FHOD3: variants seen among roughly 807,000 people sequenced by gnomAD.
FHOD3 encodes FH1/FH2 domain-containing protein 3.
Under a neutral mutation model 173.0 loss-of-function variants are expected in FHOD3, and 90 were observed. The observed-to-expected ratio is 0.52, with a 90% CI of 0.44 to 0.62. FHOD3 has a LOEUF of 0.62. FHOD3 is among the 20% of genes least tolerant of loss of function. The probability of loss-of-function intolerance (pLI) is 0.00; values close to 1 mark genes in which losing one functional copy is unlikely to be tolerated. For missense variants in FHOD3, 1,945 were observed against 2,034.7 expected, an observed-to-expected ratio of 0.96 and a Z score of 0.85; for synonymous variants, 828 against 823.0, an observed-to-expected ratio of 1.01 and a Z score of -0.10.
chr18:36,487,040 A>G (rs1392200790), intron 3 of FHOD3, among the ~76,000 whole-genome samples: 1 of 152,216 alleles, frequency 6.6e-6, no homozygotes, highest in South Asian at 2.1e-4. Flanking sequence ...CTGTTTGCCA[A>G]CTGATGGACA....
chr18:36,625,720 G>A lies in FHOD3; in HGVS notation c.1167G>A (p.Lys389=). Residue 389 remains lysine, a synonymous_variant, in exon 10 of 29, where the codon AAG becomes AAA. Transcript: ENST00000590592. ...GCTCCCAGTCAGCTCCCAGCTTCAA[G>A]CCCAACCAAGTGCGAGATCTGCGTG... ...SPCSQSAPSF[K]PNQVRDLREK... The A allele has an allele frequency of 6.2e-7, 1 of 1,609,946 alleles. No homozygotes were observed. The highest frequency in any genetic ancestry group is 8.5e-7 in the Non-Finnish European group (1 of 1,177,546).
intron 20 of FHOD3, among the ~76,000 whole-genome samples, chr18:36,737,527 A>C (rs1218633581): frequency 1.3e-5 from 2 of 152,216 alleles, no homozygotes; most frequent in African/African-American, 2.4e-5. Flanking sequence ...GCCACCACCT[A>C]TCTCTCCAGA....
intron 3 of FHOD3, among the ~76,000 whole-genome samples, chr18:36,469,415 C>A (rs1268439044): frequency 6.6e-6 from 1 of 151,848 alleles, no homozygotes; most frequent in Non-Finnish European, 1.5e-5. Context: ...CTGCCCGGTG[C>A]TCCAACTGGG....
chr18:36,497,433 G>A (rs1277383094), intron 3 of FHOD3, among the ~76,000 whole-genome samples: 4 of 152,092 alleles, frequency 2.6e-5, no homozygotes, highest in African/African-American at 9.7e-5. Context: ...TGAATGCATA[G>A]CAATTAGAAG....
chr18:36,517,995 T>C (rs1447457832), intron 5 of FHOD3, among the ~76,000 whole-genome samples: 1 of 152,166 alleles, frequency 6.6e-6, no homozygotes, highest in South Asian at 2.1e-4. Context: ...ATCATAGATA[T>C]CATGGAAAGA....
Position 36,420,582 on chromosome 18 carries a change from T to C in FHOD3, c.337+47838T>C, listed in dbSNP as rs564749678. On this transcript the variant is annotated intron_variant, in intron 3 of 28. Transcript: ENST00000590592. ...GCCCTTGTTGGCTCGGGACAGCTGG[T>C]TTAACAACCAGCCCTTAGATGACAC... is the stretch of plus-strand genomic sequence containing the variant. Among the ~76,000 whole-genome samples the C allele has an allele frequency of 2.0e-4, 31 of 152,316 alleles. No homozygotes were observed. The East Asian group carries it at 4.2e-3, about 21-fold the overall frequency.
Position 36,532,438 on chromosome 18 carries a change from G to A in FHOD3, c.511+19895G>A, listed in dbSNP as rs569220431. ...CTTCTGTGGCACCTGGGGGACAGGG[G>A]ACCAGTGGAGGTGTCTTTGGGCTGT... On this transcript the variant is annotated intron_variant, in intron 5 of 28. Coordinates refer to ENST00000590592, the MANE Select transcript of FHOD3 (RefSeq NM_001281740.3). Among the ~76,000 whole-genome samples the A allele has an allele frequency of 4.1e-4, 62 of 152,332 alleles. 1 individual carries two copies. Among genetic ancestry groups the A allele is most frequent in the South Asian group, 4.1e-4 (2 of 4,828 alleles).
intron 4 of FHOD3, among the ~76,000 whole-genome samples, chr18:36,509,352 G>A (rs914536692): frequency 4.6e-5 from 7 of 150,812 alleles, no homozygotes; most frequent in Non-Finnish European, 7.4e-5. Flanking sequence ...GCGTGAACCC[G>A]GGAGGCGGAG....
At chr18:36,326,220 A>G (rs531477985) in intron 1 of FHOD3, among the ~76,000 whole-genome samples, 1 of 152,378 alleles carries the variant, frequency 6.6e-6, no homozygotes, top group South Asian at 2.1e-4. Context: ...GGGAATAGAA[A>G]GATTCAAATA....
intron 5 of FHOD3, among the ~76,000 whole-genome samples, chr18:36,517,970 A>G (rs1002274668): frequency 1.3e-5 from 2 of 152,210 alleles, no homozygotes; most frequent in Non-Finnish European, 2.9e-5. Flanking sequence ...CATTGATGGT[A>G]CCAGAAATGG....
intron 3 of FHOD3, among the ~76,000 whole-genome samples, chr18:36,474,159 A>G (rs1044300226): frequency 2.0e-5 from 3 of 152,210 alleles, no homozygotes; most frequent in African/African-American, 7.2e-5. Flanking sequence ...CCTGGAAGGG[A>G]CTCAGATCCT....
chr18:36,306,239 T>C (rs1199427533), intron 1 of FHOD3, among the ~76,000 whole-genome samples: 1 of 152,128 alleles, frequency 6.6e-6, no homozygotes, highest in Non-Finnish European at 1.5e-5. Flanking sequence ...GTGGAGAGTG[T>C]GGAGGGCTCG....
intron 22 of FHOD3, among the ~76,000 whole-genome samples, chr18:36,743,202 G>A (rs553345136): frequency 7.3e-5 from 11 of 150,460 alleles, no homozygotes; most frequent in South Asian, 2.1e-4. Context: ...CCAGCTACTC[G>A]GAATGCTGAG....
intron 14 of FHOD3, 28 bp downstream of exon 14, chr18:36,658,216 TCA>T (rs2036552500): frequency 1.4e-6 from 2 of 1,466,466 alleles, no homozygotes; most frequent in Non-Finnish European, 1.9e-6. Context: ...GCTGATAGCT[TCA>T]CAGTCCTCAA....
chr18:36,646,955 G>C (rs539826528), intron 10 of FHOD3, among the ~76,000 whole-genome samples: 2 of 152,158 alleles, frequency 1.3e-5, no homozygotes, highest in African/African-American at 2.4e-5. Flanking sequence ...ACACTTCTTC[G>C]GCCGGGTGCG....
chr18:36,585,468 A>G (rs1052588222), intron 6 of FHOD3, among the ~76,000 whole-genome samples: 3 of 151,914 alleles, frequency 2.0e-5, no homozygotes, highest in African/African-American at 7.3e-5. Context: ...GGAAAAAGCA[A>G]GTTTTACTAG....
Position 36,760,763 on chromosome 18 carries a change from A to C in FHOD3, c.4605A>C (p.Thr1535=), listed in dbSNP as rs1398119211. The part of the protein sequence containing the change: ...EDATPALGVR[T]RSRASRGSTS... ...CCACCCCCGCGCTGGGCGTCCGCACACGCAGCCGAGCAAGCCGAGGTAACT... is the reference window on the plus strand; with the variant it reads ...CCACCCCCGCGCTGGGCGTCCGCACCCGCAGCCGAGCAAGCCGAGGTAACT... Residue 1535 remains threonine, a synonymous_variant, in exon 27 of 29, where the codon ACA becomes ACC. Transcript: ENST00000590592. 2 of 1,610,046 alleles carry C rather than the reference A, an allele frequency of 1.2e-6. No individual in the cohort carries two copies. The highest frequency in any genetic ancestry group is 1.7e-6 in the Non-Finnish European group (2 of 1,178,948).
rs117169205 is a variant in FHOD3, at chr18:36,720,852, G to A, written c.3417+2137G>A. Among the ~76,000 whole-genome samples, 24 of 151,702 alleles carry A rather than the reference G, an allele frequency of 1.6e-4. No homozygotes were observed. The East Asian group carries it at 3.5e-3, about 22-fold the overall frequency. The stretch of plus-strand genomic sequence containing the variant: ...GGCTGGCTGCACCTCTAGGCTTTTC[G>A]TGGTTCCCGATCAGGTTGCTGGGAA... On this transcript the variant is annotated intron_variant, in intron 19 of 28. Transcript: ENST00000590592.
At chr18:36,577,016 C>T (rs1272394239) in intron 6 of FHOD3, among the ~76,000 whole-genome samples, 1 of 151,844 alleles carries the variant, frequency 6.6e-6, no homozygotes, top group African/African-American at 2.4e-5. Context: ...TCACTTGAAC[C>T]CGGGAGGCAG....
Sources: gnomAD v4.1 joint callset for allele counts (sites outside exome capture counted in the v4.1 genomes callset) on GRCh38, gnomAD v4.1.1 for gene constraint, MANE v1.5 for transcripts, NCBI Gene and HGNC (gene_info 2026-07-23, HGNC 2026-07-21) for gene names.